ULK4: variants seen among roughly 807,000 people sequenced by gnomAD.
The protein encoded by ULK4 is inactive serine/threonine-protein kinase ULK4.
A neutral mutation model predicts 160.6 loss-of-function variants in ULK4; 133 were observed. The observed-to-expected ratio is 0.83, with a 90% confidence interval of 0.72 to 0.96. The LOEUF is 0.96. Ranked by LOEUF, ULK4 falls within the 40% of genes least tolerant of loss-of-function variation. The pLI is 0.00. For synonymous variants in ULK4, 534 were observed against 539.8 expected, an observed-to-expected ratio of 0.99 and a Z score of 0.15; for missense variants, 1,580 against 1,499.5, an observed-to-expected ratio of 1.05 and a Z score of -0.89.
At chr3:41,849,890 G>A (rs1056343625) in intron 17 of ULK4, among the ~76,000 whole-genome samples, 2 of 152,076 alleles carry the variant, frequency 1.3e-5, no homozygotes. Context: ...GTATACATGT[G>A]ACATGTTGGT....
intron 35 of ULK4, among the ~76,000 whole-genome samples, chr3:41,358,445 C>T (rs1443690929): frequency 6.6e-6 from 1 of 152,054 alleles, no homozygotes; most frequent in Non-Finnish European, 1.5e-5. Context: ...AATCAGCAGG[C>T]AAAGGATGCA....
At chr3:41,908,558 G>T (rs1698660627) in intron 11 of ULK4, among the ~76,000 whole-genome samples, 1 of 151,942 alleles carries the variant, frequency 6.6e-6, no homozygotes. Context: ...CAATTCTCGT[G>T]CCTTAGCCTC....
rs1050943360 is a variant in ULK4 at position 41,705,038 on chromosome 3, A to G, written c.2781+19T>C. 2 of 1,581,154 alleles carry G rather than the reference A, an allele frequency of 1.3e-6. No individual in the cohort carries two copies. Among genetic ancestry groups the G allele is most frequent in the African/African-American group, 2.7e-5 (2 of 72,808 alleles). On this transcript the variant is annotated intron_variant, in intron 27 of 36. Coordinates refer to ENST00000301831, the MANE Select transcript of ULK4 (RefSeq NM_017886.4). ...AGTAAATTTAAAAGGAGCTTTTTTC[A>G]AAAGCTGCCAGAACTGACCGTGGAG... is the stretch of plus-strand genomic sequence containing the variant.
chr3:41,345,613 G>T (rs562703982), intron 35 of ULK4, among the ~76,000 whole-genome samples: 1 of 152,256 alleles, frequency 6.6e-6, no homozygotes, highest in South Asian at 2.1e-4. Flanking sequence ...CACACACAGT[G>T]GGGCCTGTTA....
intron 17 of ULK4, among the ~76,000 whole-genome samples, chr3:41,858,824 C>T (rs2042433384): frequency 1.3e-5 from 2 of 151,792 alleles, no homozygotes; most frequent in Non-Finnish European, 2.9e-5. Context: ...TTTTCCCCCC[C>T]ATAGAAAGCA....
At chr3:41,913,838 C>G (rs1257639981) in intron 8 of ULK4, among the ~76,000 whole-genome samples, 1 of 152,030 alleles carries the variant, frequency 6.6e-6, no homozygotes, top group East Asian at 1.9e-4. Context: ...GGGCCCACAC[C>G]TATAATCCCA....
intron 35 of ULK4, among the ~76,000 whole-genome samples, chr3:41,359,773 A>G (rs1271845898): frequency 1.3e-5 from 2 of 152,182 alleles, no homozygotes; most frequent in Non-Finnish European, 2.9e-5. Flanking sequence ...ACAAAAATCA[A>G]CTCAAGATGG....
intron 21 of ULK4, among the ~76,000 whole-genome samples, chr3:41,783,506 A>G (rs1656033890): frequency 6.6e-6 from 1 of 151,596 alleles, no homozygotes; most frequent in Admixed American, 6.6e-5. Flanking sequence ...ACTACGCTCC[A>G]GCCTAGGCAA....
At chr3:41,826,776 C>G (rs1408998220) in intron 18 of ULK4, among the ~76,000 whole-genome samples, 1 of 148,142 alleles carries the variant, frequency 6.8e-6, no homozygotes, top group Admixed American at 6.7e-5. Flanking sequence ...CAAGGATATC[C>G]AGGAATTGAA....
intron 35 of ULK4, chr3:41,259,783 A>G (rs2078907672): frequency 6.6e-6 from 1 of 152,212 alleles, no homozygotes; most frequent in South Asian, 2.1e-4. Flanking sequence ...ATATATGTCA[A>G]TATCTGTAGT....
chr3:41,716,434 T>C (rs2037271536), intron 23 of ULK4, among the ~76,000 whole-genome samples: 1 of 152,078 alleles, frequency 6.6e-6, no homozygotes, highest in African/African-American at 2.4e-5. Flanking sequence ...AGTCCGGTAA[T>C]AAAGAATTTA....
intron 19 of ULK4, among the ~76,000 whole-genome samples, chr3:41,808,600 T>G (rs1156996000): frequency 6.6e-6 from 1 of 152,230 alleles, no homozygotes; most frequent in African/African-American, 2.4e-5. Context: ...TTCACAGCAC[T>G]AAAATAAAAG....
At chr3:41,771,754 GA>G (rs1164339926) in intron 21 of ULK4, among the ~76,000 whole-genome samples, 1 of 151,962 alleles carries the variant, frequency 6.6e-6, no homozygotes. Context: ...GTGAAGCAAA[GA>G]AAAAACGTAA....
intron 35 of ULK4, among the ~76,000 whole-genome samples, chr3:41,326,528 G>T (rs2080342326): frequency 6.6e-6 from 1 of 151,778 alleles, no homozygotes; most frequent in Non-Finnish European, 1.5e-5. Context: ...TTAACAAAGA[G>T]CAAAAAGAAA....
At chr3:41,601,970 G>A (rs1408040600) in intron 31 of ULK4, among the ~76,000 whole-genome samples, 1 of 152,138 alleles carries the variant, frequency 6.6e-6, no homozygotes, top group Non-Finnish European at 1.5e-5. Flanking sequence ...AAGGCAGGAG[G>A]ATCTCTTGAG....
At chr3:41,642,669 T>C (rs925107702) in intron 30 of ULK4, among the ~76,000 whole-genome samples, 1 of 152,232 alleles carries the variant, frequency 6.6e-6, no homozygotes, top group African/African-American at 2.4e-5. Context: ...TGTGTCTTTA[T>C]AGCAGCATGA....
intron 30 of ULK4, among the ~76,000 whole-genome samples, chr3:41,635,877 A>C (rs1014888312): frequency 1.3e-5 from 2 of 152,208 alleles, no homozygotes; most frequent in African/African-American, 4.8e-5. Flanking sequence ...GTTTTTAAAA[A>C]TATATGAAAA....
chr3:41,713,397 A>G (rs1421650399), intron 25 of ULK4, among the ~76,000 whole-genome samples: 4 of 152,222 alleles, frequency 2.6e-5, no homozygotes, highest in African/African-American at 9.6e-5. Flanking sequence ...ATTTTAGTCA[A>G]TAATTCTCTC....
At chr3:41,785,597 A>G (rs1009041909) in intron 21 of ULK4, among the ~76,000 whole-genome samples, 1 of 152,206 alleles carries the variant, frequency 6.6e-6, no homozygotes, top group African/African-American at 2.4e-5. Context: ...AACAACACGT[A>G]GAATTCCTTC....
Sources: allele counts gnomAD v4.1 joint callset (sites outside exome capture counted in the v4.1 genomes callset), GRCh38; gene constraint gnomAD v4.1.1; transcripts MANE v1.5; gene names NCBI Gene and HGNC (gene_info 2026-07-23, HGNC 2026-07-21).